MEIS1: variants seen among roughly 807,000 people sequenced by gnomAD.
The protein encoded by MEIS1 is Meis homeobox 1.
MEIS1 carries 5 observed loss-of-function variants against 50.8 expected under a neutral mutation model. The ratio of observed to expected loss-of-function variants is 0.10; its 90% CI spans 0.05 to 0.21. The LOEUF (loss-of-function observed/expected upper bound fraction) is 0.21. Among genes scored for constraint, MEIS1 ranks in the 10% least tolerant of loss-of-function variants. The probability of loss-of-function intolerance (pLI) is 1.00; values close to 1 mark genes in which losing one functional copy is unlikely to be tolerated. For missense variants in MEIS1, 318 were observed against 517.3 expected (o/e 0.61, Z 3.74); for synonymous variants, 176 against 179.3 (o/e 0.98, Z 0.15).
intron 8 of MEIS1, among the ~76,000 whole-genome samples, chr2:66,539,696 T>C (rs1187959963): frequency 6.6e-6 from 1 of 152,226 alleles, no homozygotes; most frequent in African/African-American, 2.4e-5. Flanking sequence ...CTTCCTGATA[T>C]ATGTTACAAT....
At chr2:66,505,178 G>C (rs572150303) in intron 7 of MEIS1, among the ~76,000 whole-genome samples, 1 of 152,168 alleles carries the variant, frequency 6.6e-6, no homozygotes, top group Non-Finnish European at 1.5e-5. Context: ...CACTTGGAAG[G>C]CTGAGGCAGG....
chr2:66,506,913 C>T (rs1318575132), intron 7 of MEIS1, among the ~76,000 whole-genome samples: 3 of 152,160 alleles, frequency 2.0e-5, no homozygotes, highest in Non-Finnish European at 4.4e-5. Context: ...GTAAAGGAAA[C>T]CCAGCCTTTC....
At chr2:66,480,688 A>G (rs570889460) in intron 7 of MEIS1, among the ~76,000 whole-genome samples, 1 of 152,350 alleles carries the variant, frequency 6.6e-6, no homozygotes, top group South Asian at 2.1e-4. Context: ...TCAGAAAGTC[A>G]TAACATGTAT....
At chr2:66,557,726 G>A (rs956179641) in intron 9 of MEIS1, among the ~76,000 whole-genome samples, 3 of 152,176 alleles carry the variant, frequency 2.0e-5, no homozygotes, top group Admixed American at 1.3e-4. Context: ...CATTATAAGC[G>A]TTCATATACA....
chr2:66,449,907 G>C (rs577068772), intron 6 of MEIS1, among the ~76,000 whole-genome samples: 3 of 151,968 alleles, frequency 2.0e-5, no homozygotes, highest in South Asian at 2.1e-4. Context: ...TACTATCAAG[G>C]GTTGATTCTC....
chr2:66,561,756 G>C (rs1218189117), intron 9 of MEIS1, among the ~76,000 whole-genome samples: 1 of 151,984 alleles, frequency 6.6e-6, no homozygotes, highest in Non-Finnish European at 1.5e-5. Context: ...TCTCTGTCTA[G>C]TTAGGAACCT....
In MEIS1 at chr2:66,459,234, A is replaced by T. The variant is rs550118590; in HGVS notation, c.631-4875A>T. 5.3e-5 allele frequency among the ~76,000 whole-genome samples: 8 copies of T among 152,316 alleles called. No homozygotes were observed. The East Asian group carries it at 1.2e-3, about 22-fold the overall frequency. The stretch of plus-strand genomic sequence containing the variant: ...CAGGCAGGGCAGAGCAAGGCACTGC[A>T]GGCAGAGGAGAAGGATGAGCATGGG... On this transcript the variant is annotated intron_variant, in intron 6 of 12. Transcript: ENST00000272369.
rs767689616 is a variant in MEIS1 at position 66,464,176 on chromosome 2, G to A, written c.698G>A (p.Ser233Asn). The change falls in exon 7 of 13, where the codon AGC becomes AAC. Residue 233 changes from serine to asparagine, a missense_variant. Around this residue, in one of 6 missense-constraint regions of MEIS1, gnomAD observed 48 missense variants for 50.9 expected, o/e 0.94. Transcript: ENST00000272369. Reference protein sequence around the residue: ...TRSGGTPGPSSGGHTSHSGDN... With the variant: ...TRSGGTPGPSNGGHTSHSGDN... Reference sequence around the variant, plus strand: ...TCAGGAGGAACCCCAGGCCCTTCCAGCGGTGGCCACACGTCACACAGTGGG... The same window carrying A: ...TCAGGAGGAACCCCAGGCCCTTCCAACGGTGGCCACACGTCACACAGTGGG... 1 of 1,605,700 alleles carries A rather than the reference G, an allele frequency of 6.2e-7. No homozygotes were observed. The highest frequency in any genetic ancestry group is 8.5e-7 in the Non-Finnish European group (1 of 1,176,310).
intron 9 of MEIS1, among the ~76,000 whole-genome samples, chr2:66,554,356 C>G (rs1674999185): frequency 6.6e-6 from 1 of 152,150 alleles, no homozygotes; most frequent in African/African-American, 2.4e-5. Flanking sequence ...ATGCAAACAA[C>G]AGGCTGTGGG....
chr2:66,440,835 G>C (rs1391576895), intron 4 of MEIS1: 1 of 570,754 alleles, frequency 1.8e-6, no homozygotes, highest in East Asian at 2.9e-5. Flanking sequence ...GGGGAAACGC[G>C]AGCTTTTGTT....
At chr2:66,465,877 T>G (rs1285224957) in intron 7 of MEIS1, among the ~76,000 whole-genome samples, 3 of 152,198 alleles carry the variant, frequency 2.0e-5, no homozygotes, top group African/African-American at 7.2e-5. Context: ...TTAGGAGTGT[T>G]GTATGCTGCT....
chr2:66,468,209 T>G (rs1672684944), intron 7 of MEIS1, among the ~76,000 whole-genome samples: 1 of 152,132 alleles, frequency 6.6e-6, no homozygotes, highest in South Asian at 2.1e-4. Context: ...TGCATCCTAC[T>G]GTGCATGGCT....
At position 66,541,771 on chromosome 2, in the gene MEIS1, CTT is replaced by C. The variant is rs1674658185; in HGVS notation, c.889-6169_889-6168del. ...GCCAGTCCCAACACCACCCTTCCTT[CTT>C]TTGATTCCAGCATGTGCGAGGATGC... On this transcript the variant is annotated intron_variant, in intron 8 of 12. Coordinates refer to ENST00000272369, the MANE Select transcript of MEIS1 (RefSeq NM_002398.3). Among the ~76,000 whole-genome samples, 6 of 152,206 alleles carry C rather than the reference CTT, an allele frequency of 3.9e-5. No individual in the cohort carries two copies. In the South Asian group the frequency reaches 1.2e-3, roughly 32 times the overall value.
rs1553373466 is a variant in MEIS1, at chr2:66,473,397, A to AATAT, written c.742+9195_742+9198dup. On this transcript the variant is annotated intron_variant, in intron 7 of 12. Transcript: ENST00000272369. ...CCATGTCAAAAAAAAAAAAAAAAAA[A>AATAT]ATATATATATATATATATATAGTAA... 4.1e-4 allele frequency among the ~76,000 whole-genome samples: 44 copies of AATAT among 107,554 alleles called. 1 individual carries two copies. The highest frequency in any genetic ancestry group is 1.3e-3 in the African/African-American group (22 of 17,136). 70.6% of individuals were successfully genotyped at this position (107,554 alleles called of 152,430 possible).
At chr2:66,568,516 G>GGCCGT in intron 10 of MEIS1, 151 bp from the exon 11 acceptor site, 1 of 562,336 alleles carries the variant, frequency 1.8e-6, no homozygotes, top group Non-Finnish European at 3.2e-6. Flanking sequence ...GATCTAGTCT[G>GGCCGT]AGAGAAATTT....
chr2:66,441,352 C>CT lies in MEIS1; in HGVS notation c.433-61dup. On this transcript the variant is annotated intron_variant, in intron 4 of 12. Coordinates refer to ENST00000272369, the MANE Select transcript of MEIS1 (RefSeq NM_002398.3). ...AGGGGGTGGGCTGGAGATGGTAGAG[C>CT]TGTGGCAGCCAGTTTTCTGCAAGCC... 3 of 1,446,468 alleles carry CT rather than the reference C, an allele frequency of 2.1e-6. No individual in the cohort carries two copies. The South Asian group carries it at 4.1e-5, about 20-fold the overall frequency. 89.6% of individuals were successfully genotyped at this position (1,446,468 alleles called of 1,614,324 possible).
intron 8 of MEIS1, among the ~76,000 whole-genome samples, chr2:66,541,617 G>A (rs998935389): frequency 1.3e-5 from 2 of 152,058 alleles, no homozygotes; most frequent in Non-Finnish European, 2.9e-5. Flanking sequence ...AAAAACAAAC[G>A]CTAAACAAAA....
In MEIS1 at chr2:66,554,612, C is replaced by G. The variant is rs191276747; in HGVS notation, c.965+6593C>G. Among the ~76,000 whole-genome samples, 97 of 152,298 alleles carry G rather than the reference C, an allele frequency of 6.4e-4. 1 individual carries two copies. The highest frequency in any genetic ancestry group is 2.3e-3 in the African/African-American group (96 of 41,568). ...ATCCCTACTCCTTGGATTTGGGCGA[C>G]AGTGTCCTCTGGTTTAAAATGGACA... On this transcript the variant is annotated intron_variant, in intron 9 of 12. Transcript: ENST00000272369.
intron 12 of MEIS1, 198 bp from the exon 13 acceptor site, chr2:66,571,048 A>G (rs1558568456): frequency 3.5e-6 from 2 of 579,312 alleles, no homozygotes; most frequent in Non-Finnish European, 5.8e-6. Context: ...ATGAAAGGAA[A>G]ATAGTGGCAA....
Sources: allele counts gnomAD v4.1 joint callset (sites outside exome capture counted in the v4.1 genomes callset), GRCh38; gene constraint gnomAD v4.1.1; regional missense constraint gnomAD v4.1.1; transcripts MANE v1.5; gene names NCBI Gene and HGNC (gene_info 2026-07-23, HGNC 2026-07-21).